NKAIN2: variants seen among roughly 807,000 people sequenced by gnomAD.
NKAIN2 encodes sodium/potassium transporting ATPase interacting 2.
In NKAIN2, 14 loss-of-function variants were observed where a neutral mutation model predicts 32.6. The observed-to-expected ratio is 0.43, with a 90% CI of 0.28 to 0.67. The LOEUF (loss-of-function observed/expected upper bound fraction) is 0.67. NKAIN2 is among the 30% of genes least tolerant of loss of function. The pLI is 0.17. For synonymous variants in NKAIN2, 80 were observed against 87.2 expected, an observed-to-expected ratio of 0.92 and a Z score of 0.46; for missense variants, 198 against 258.3, an observed-to-expected ratio of 0.77 and a Z score of 1.60.
chr6:124,082,692 T>A lies in NKAIN2; in HGVS notation c.55-200313T>A, dbSNP rs1486925236. Among the ~76,000 whole-genome samples, 3 of 152,068 alleles carry A rather than the reference T, an allele frequency of 2.0e-5. No homozygotes were observed. In the East Asian group the frequency reaches 5.8e-4, roughly 29 times the overall value. On this transcript the variant is annotated intron_variant, in intron 1 of 6. Transcript: ENST00000368417. The stretch of plus-strand genomic sequence containing the variant: ...AGTTTAAAGGATCAGTGTCACAAAT[T>A]TTTAGAAACTAAATGTCAAATGAAT...
intron 1 of NKAIN2, among the ~76,000 whole-genome samples, chr6:123,946,410 T>G (rs1476856408): frequency 6.6e-6 from 1 of 152,162 alleles, no homozygotes; most frequent in African/African-American, 2.4e-5. Context: ...TATACTTGGA[T>G]TTTTAAATCT....
chr6:124,552,472 G>A lies in NKAIN2; in HGVS notation c.274-105714G>A, dbSNP rs142998437. On this transcript the variant is annotated intron_variant, in intron 3 of 6. Transcript: ENST00000368417. Reference sequence around the variant, plus strand: ...GTGGCCAACTCTGACCGTTTCTTTCGCCACATAGACTGGTCTATGGAGATT... The same window carrying A: ...GTGGCCAACTCTGACCGTTTCTTTCACCACATAGACTGGTCTATGGAGATT... 6.1e-4 allele frequency among the ~76,000 whole-genome samples: 93 copies of A among 152,180 alleles called. 1 individual carries two copies. Among genetic ancestry groups the A allele is most frequent in the African/African-American group, 2.1e-3 (89 of 41,530 alleles).
At chr6:124,505,071 TC>T (rs1336326311) in intron 3 of NKAIN2, among the ~76,000 whole-genome samples, 2 of 152,246 alleles carry the variant, frequency 1.3e-5, no homozygotes, top group East Asian at 3.9e-4. Context: ...TATAAATCCA[TC>T]CCTAAACCCT....
intron 4 of NKAIN2, among the ~76,000 whole-genome samples, chr6:124,754,936 A>T (rs7453718): frequency 0.39 from 60,019 of 152,008 alleles, 12,325 homozygotes; most frequent in Non-Finnish European, 0.46. Flanking sequence ...CATTCACTGT[A>T]ATAGTTAAGA....
rs145704455 is a variant in NKAIN2 at position 124,038,745 on chromosome 6, A to G, written c.54+234491A>G. Among the ~76,000 whole-genome samples the G allele has an allele frequency of 3.3e-3, 501 of 152,292 alleles. 2 individuals carry two copies. The highest frequency in any genetic ancestry group is 8.1e-3 in the South Asian group (39 of 4,826). On this transcript the variant is annotated intron_variant, in intron 1 of 6. Transcript: ENST00000368417. Reference sequence around the variant, plus strand: ...GATTCAAAACCAATTTTTGTAATATATAACTTTAATGAAATATACCCAAGA... The same window carrying G: ...GATTCAAAACCAATTTTTGTAATATGTAACTTTAATGAAATATACCCAAGA...
chr6:124,342,970 A>C, intron 2 of NKAIN2, among the ~76,000 whole-genome samples: 1 of 142,040 alleles, frequency 7.0e-6, no homozygotes, highest in Non-Finnish European at 1.5e-5. Context: ...TCCTAATGCT[A>C]TCCCTTCCCC....
chr6:124,535,127 T>C (rs966724359), intron 3 of NKAIN2, among the ~76,000 whole-genome samples: 1 of 152,248 alleles, frequency 6.6e-6, no homozygotes, highest in African/African-American at 2.4e-5. Context: ...TTTTTTTTTC[T>C]ATTTTCAATC....
chr6:124,144,417 C>G (rs1450791075), intron 1 of NKAIN2, among the ~76,000 whole-genome samples: 1 of 151,934 alleles, frequency 6.6e-6, no homozygotes, highest in African/African-American at 2.4e-5. Flanking sequence ...GGTATTGCAG[C>G]CAACTGGTTA....
At chr6:124,775,293 G>C (rs904991976) in intron 4 of NKAIN2, among the ~76,000 whole-genome samples, 1 of 152,158 alleles carries the variant, frequency 6.6e-6, no homozygotes, top group Non-Finnish European at 1.5e-5. Context: ...TTAGGAGGCC[G>C]ATTGGGCCAA....
At chr6:123,949,618 T>C (rs1201198242) in intron 1 of NKAIN2, among the ~76,000 whole-genome samples, 1 of 152,042 alleles carries the variant, frequency 6.6e-6, no homozygotes, top group East Asian at 1.9e-4. Flanking sequence ...TATTGATGTA[T>C]AAAAATGCTA....
At chr6:124,206,333 A>G (rs1790881611) in intron 1 of NKAIN2, among the ~76,000 whole-genome samples, 1 of 151,948 alleles carries the variant, frequency 6.6e-6, no homozygotes, top group African/African-American at 2.4e-5. Context: ...CAAAATAAAG[A>G]TTAAGCGCAT....
intron 1 of NKAIN2, among the ~76,000 whole-genome samples, chr6:124,279,989 T>C (rs1795218544): frequency 6.6e-6 from 1 of 152,186 alleles, no homozygotes; most frequent in African/African-American, 2.4e-5. Context: ...TTAATAATGT[T>C]GTGATCTGTG....
chr6:123,853,234 C>G (rs1003488445), intron 1 of NKAIN2, among the ~76,000 whole-genome samples: 2 of 152,032 alleles, frequency 1.3e-5, no homozygotes, highest in Admixed American at 6.6e-5. Context: ...GTAATTACCC[C>G]TAAGAAAAAA....
intron 1 of NKAIN2, among the ~76,000 whole-genome samples, chr6:123,831,490 G>T (rs959986455): frequency 9.7e-5 from 14 of 144,258 alleles, no homozygotes; most frequent in Non-Finnish European, 2.0e-4. Flanking sequence ...TGGTTTTTTT[G>T]TGTTGTTGTT....
chr6:124,188,998 T>C (rs1431074955), intron 1 of NKAIN2, among the ~76,000 whole-genome samples: 2 of 152,166 alleles, frequency 1.3e-5, no homozygotes. Context: ...TTATAATAAT[T>C]TGGAGAAACA....
At chr6:124,026,520 C>T (rs1300932459) in intron 1 of NKAIN2, among the ~76,000 whole-genome samples, 1 of 152,082 alleles carries the variant, frequency 6.6e-6, no homozygotes, top group East Asian at 1.9e-4. Flanking sequence ...TGTGAATAAT[C>T]GTAGCCATGT....
intron 1 of NKAIN2, among the ~76,000 whole-genome samples, chr6:124,229,533 T>TAGATAGACAGACAGACAGAC (rs1298590453): frequency 1.5e-4 from 22 of 149,172 alleles, no homozygotes; most frequent in African/African-American, 4.5e-4. Context: ...GATAGATAGA[T>TAGATAGACAGACAGACAGAC]AGACAGACAG....
chr6:124,652,918 C>A (rs1173261905), intron 3 of NKAIN2, among the ~76,000 whole-genome samples: 1 of 152,126 alleles, frequency 6.6e-6, no homozygotes, highest in East Asian at 1.9e-4. Context: ...TTCCTACACA[C>A]AATTTTGGGG....
intron 3 of NKAIN2, among the ~76,000 whole-genome samples, chr6:124,439,465 G>A (rs1203089597): frequency 6.6e-6 from 1 of 151,672 alleles, no homozygotes; most frequent in Non-Finnish European, 1.5e-5. Context: ...TCGTACACTA[G>A]ACTCAGTGGT....
Sources: gnomAD v4.1 joint callset for allele counts (sites outside exome capture counted in the v4.1 genomes callset) on GRCh38, gnomAD v4.1.1 for gene constraint, MANE v1.5 for transcripts, NCBI Gene and HGNC (gene_info 2026-07-23, HGNC 2026-07-21) for gene names.